The following RBM47 variants were observed in gnomAD, a reference collection of about 807,000 sequenced individuals.
RBM47 encodes RNA-binding protein 47.
A neutral mutation model predicts 47.1 loss-of-function variants in RBM47; 21 were observed. The observed-to-expected ratio is 0.45, with a 90% confidence interval of 0.32 to 0.64. The LOEUF is 0.64. RBM47 is among the 30% of genes least tolerant of loss of function. The pLI, the probability that RBM47 is intolerant of heterozygous loss-of-function variation, is 0.05. For missense variants in RBM47, 708 were observed against 870.9 expected (o/e 0.81, Z 2.35); for synonymous variants, 375 against 361.7 (o/e 1.04, Z -0.42).
chr4:40,457,536 G>A (rs1421468796), intron 3 of RBM47, among the ~76,000 whole-genome samples: 1 of 152,080 alleles, frequency 6.6e-6, no homozygotes, highest in Non-Finnish European at 1.5e-5. Context: ...CCACCTCCCA[G>A]GTTCAAGTGA....
chr4:40,597,692 A>C (rs1734880291), intron 1 of RBM47, among the ~76,000 whole-genome samples: 1 of 152,266 alleles, frequency 6.6e-6, no homozygotes, highest in Non-Finnish European at 1.5e-5. Flanking sequence ...TAAATAAAAC[A>C]AAACAATGCA....
rs138640465 is a variant in RBM47, at chr4:40,510,760, G to C, written c.-155+33662C>G. 4.0e-4 allele frequency among the ~76,000 whole-genome samples: 61 copies of C among 152,236 alleles called. No individual in the cohort carries two copies. In the East Asian group the frequency reaches 0.011, roughly 27 times the overall value. On this transcript the variant is annotated intron_variant, in intron 2 of 6. Transcript: ENST00000295971. ...GCACTGAGGAACCAGAAATGTTATT[G>C]AAAGATGTCTAAACTAAGAGTCAAT...
At chr4:40,497,041 C>CAAAAAAAAAA (rs10631036) in intron 2 of RBM47, among the ~76,000 whole-genome samples, 4 of 114,788 alleles carry the variant, frequency 3.5e-5, no homozygotes, top group African/African-American at 3.4e-5. Context: ...AACTCCATCT[C>CAAAAAAAAAA]AAAAAAAAAA....
In RBM47 at chr4:40,425,787, G is replaced by A. The variant is rs1020747463; in HGVS notation, c.*117C>T. On this transcript the variant is annotated 3_prime_UTR_variant, in exon 7 of 7. Transcript: ENST00000295971. ...TATAAAATAATTCAGAAATAAATCT[G>A]CTAACATTCTTCACTTTCAGGTTGC... The A allele has an allele frequency of 1.4e-6, 2 of 1,384,354 alleles. No homozygotes were observed. The highest frequency in any genetic ancestry group is 2.0e-6 in the Non-Finnish European group (2 of 1,018,522). The allele number at this position is 1,384,354 out of a possible 1,614,324, so 85.8% of individuals were successfully genotyped here.
intron 1 of RBM47, among the ~76,000 whole-genome samples, chr4:40,573,786 AG>A: frequency 1.7e-5 from 2 of 117,166 alleles, no homozygotes; most frequent in African/African-American, 8.0e-5. Context: ...AGAAAGAAAG[AG>A]AGAGAGAGAG....
chr4:40,626,863 C>T (rs937414478), intron 1 of RBM47, among the ~76,000 whole-genome samples: 2 of 152,152 alleles, frequency 1.3e-5, no homozygotes, highest in African/African-American at 2.4e-5. Flanking sequence ...GAATCTCTCC[C>T]GCATAAGATG....
intron 1 of RBM47, among the ~76,000 whole-genome samples, chr4:40,568,874 G>A (rs192486268): frequency 3.6e-4 from 54 of 151,856 alleles, no homozygotes; most frequent in African/African-American, 1.0e-3. Context: ...CCAGCTACTC[G>A]GGAGGCTGAG....
At position 40,424,258 on chromosome 4, in the gene RBM47, C is replaced by T. The variant is rs1187743203; in HGVS notation, c.*1646G>A. The T allele has an allele frequency of 2.0e-5, 3 of 152,594 alleles. No individual in the cohort carries two copies. The highest frequency in any genetic ancestry group is 1.9e-4 in the East Asian group (1 of 5,194). 9.5% of individuals were successfully genotyped at this position (152,594 alleles called of 1,614,324 possible). A position where few individuals can be genotyped will look rare whatever the true frequency, so the allele number is the denominator to read the frequency against. ...ATGGATCTCTAACATGACATAAAAA[C>T]GCAACTGCGTTTTACTTGCTACCTT... On this transcript the variant is annotated 3_prime_UTR_variant, in exon 7 of 7. Transcript: ENST00000295971.
Position 40,576,236 on chromosome 4 carries a change from T to A in RBM47, c.-239-31730A>T, listed in dbSNP as rs904810248. ...GCCTATTTCTTTTTTTCTTTCTCTTTTCTGTTTTTTTTTTTTTTTTGGGGG... is the reference window on the plus strand; with the variant it reads ...GCCTATTTCTTTTTTTCTTTCTCTTATCTGTTTTTTTTTTTTTTTTGGGGG... On this transcript the variant is annotated intron_variant, in intron 1 of 6. Transcript: ENST00000295971. Among the ~76,000 whole-genome samples the A allele has an allele frequency of 3.5e-5, 4 of 115,684 alleles. No individual in the cohort carries two copies. The East Asian group carries it at 9.3e-4, about 27-fold the overall frequency. 75.9% of individuals were successfully genotyped at this position (115,684 alleles called of 152,430 possible). A position where few individuals can be genotyped will look rare whatever the true frequency, so the allele number is the denominator to read the frequency against.
rs9684391 is a variant in RBM47, at chr4:40,569,032, C to T, written c.-239-24526G>A. Reference sequence around the variant, plus strand: ...ATAGATAGATAGACAGACAGACAGACAGACAGACAGACAGACAGATAGATA... The same window carrying T: ...ATAGATAGATAGACAGACAGACAGATAGACAGACAGACAGACAGATAGATA... On this transcript the variant is annotated intron_variant, in intron 1 of 6. Coordinates refer to ENST00000295971, the MANE Select transcript of RBM47 (RefSeq NM_001098634.2). Among the ~76,000 whole-genome samples, 500 of 143,240 alleles carry T rather than the reference C, an allele frequency of 3.5e-3. 2 individuals carry two copies. The highest frequency in any genetic ancestry group is 0.011 in the African/African-American group (367 of 34,146). The allele number at this position is 143,240 out of a possible 152,430, so 94.0% of individuals were successfully genotyped here. A position where few individuals can be genotyped will look rare whatever the true frequency, so the allele number is the denominator to read the frequency against.
chr4:40,575,443 T>C (rs1560480135), intron 1 of RBM47, among the ~76,000 whole-genome samples: 1 of 150,806 alleles, frequency 6.6e-6, no homozygotes, highest in Non-Finnish European at 1.5e-5. Flanking sequence ...TCCCAGCTAC[T>C]CAGGAGGCTG....
intron 1 of RBM47, among the ~76,000 whole-genome samples, chr4:40,626,732 C>T (rs536538125): frequency 3.3e-5 from 5 of 152,250 alleles, no homozygotes; most frequent in South Asian, 2.1e-4. Flanking sequence ...ACAGAATAGA[C>T]GGGGAAGCAA....
At chr4:40,558,125 A>C (rs1358341797) in intron 1 of RBM47, among the ~76,000 whole-genome samples, 1 of 152,156 alleles carries the variant, frequency 6.6e-6, no homozygotes, top group Non-Finnish European at 1.5e-5. Context: ...AGATATTATT[A>C]TTCTCATTTT....
intron 2 of RBM47, among the ~76,000 whole-genome samples, chr4:40,470,612 A>G (rs1718714718): frequency 1.3e-5 from 2 of 152,230 alleles, no homozygotes; most frequent in South Asian, 4.1e-4. Context: ...TCGGAAAAAG[A>G]TGCTCCAGTC....
rs75912169 is a variant in RBM47 at position 40,574,720 on chromosome 4, T to C, written c.-239-30214A>G. On this transcript the variant is annotated intron_variant, in intron 1 of 6. Coordinates refer to ENST00000295971, the MANE Select transcript of RBM47 (RefSeq NM_001098634.2). ...CAGAAATTAGCCAGGTGTGGTGGCA[T>C]ATGCCTGTAATCTCAGCTACTCGGG... is the stretch of plus-strand genomic sequence containing the variant. Among the ~76,000 whole-genome samples the C allele has an allele frequency of 3.4e-4, 52 of 152,132 alleles. No individual in the cohort carries two copies. The East Asian group carries it at 0.01, about 29-fold the overall frequency.
chr4:40,541,057 G>A (rs1000687846), intron 2 of RBM47, among the ~76,000 whole-genome samples: 1 of 151,876 alleles, frequency 6.6e-6, no homozygotes, highest in Non-Finnish European at 1.5e-5. Context: ...GGGAGGCTAC[G>A]ACAAGCGGAT....
At chr4:40,526,457 A>G (rs116225306) in intron 2 of RBM47, among the ~76,000 whole-genome samples, 2,606 of 149,370 alleles carry the variant, frequency 0.017, 107 homozygotes, top group African/African-American at 0.064. Flanking sequence ...CACTGAGTAC[A>G]GAGGATGGCA....
chr4:40,538,458 C>T (rs974017863), intron 2 of RBM47, among the ~76,000 whole-genome samples: 7 of 151,356 alleles, frequency 4.6e-5, no homozygotes, highest in Non-Finnish European at 1.5e-5. Context: ...TCCCAAGTAG[C>T]TGGGACTAGA....
intron 6 of RBM47, chr4:40,427,021 A>G (rs1715157426): frequency 6.6e-6 from 1 of 152,174 alleles, no homozygotes; most frequent in Non-Finnish European, 1.5e-5. Flanking sequence ...CTCATACTTA[A>G]CTGATGGAAT....
Sources: gnomAD v4.1 joint callset for allele counts (sites outside exome capture counted in the v4.1 genomes callset) on GRCh38, gnomAD v4.1.1 for gene constraint, MANE v1.5 for transcripts, NCBI Gene and HGNC (gene_info 2026-07-23, HGNC 2026-07-21) for gene names.